Variants in LRP1B observed in about 807,000 individuals in gnomAD.
LRP1B encodes low-density lipoprotein receptor-related protein 1B.
A neutral mutation model predicts 556.6 loss-of-function variants in LRP1B; 217 were observed. The ratio of observed to expected loss-of-function variants is 0.39; its 90% confidence interval spans 0.35 to 0.44. The LOEUF is 0.44. Among genes scored for constraint, LRP1B ranks in the 20% least tolerant of loss-of-function variants. LRP1B has a pLI of 1.00. For synonymous variants in LRP1B, 2,047 were observed against 1,865.8 expected, an observed-to-expected ratio of 1.10 and a Z score of -2.50; for missense variants, 5,053 against 5,620.8, an observed-to-expected ratio of 0.90 and a Z score of 3.23.
intron 1 of LRP1B, among the ~76,000 whole-genome samples, chr2:141,962,662 G>A (rs1701435073): frequency 1.3e-5 from 2 of 151,766 alleles, no homozygotes; most frequent in Admixed American, 6.6e-5. Flanking sequence ...AAAAGAGTAT[G>A]GCGAGAGACT....
intron 2 of LRP1B, among the ~76,000 whole-genome samples, chr2:141,688,049 A>G (rs1407876834): frequency 2.0e-5 from 3 of 151,658 alleles, no homozygotes. Flanking sequence ...GTACATGTTA[A>G]TGTAGGTTAG....
At chr2:140,512,919 T>C (rs752808878) in intron 51 of LRP1B, among the ~76,000 whole-genome samples, 6 of 152,154 alleles carry the variant, frequency 3.9e-5, no homozygotes, top group Non-Finnish European at 7.4e-5. Context: ...ATTTTCTTTA[T>C]GTGTCTCAAG....
intron 2 of LRP1B, among the ~76,000 whole-genome samples, chr2:141,522,655 C>T (rs1427152585): frequency 6.6e-6 from 1 of 151,990 alleles, no homozygotes; most frequent in Admixed American, 6.6e-5. Context: ...ATAGGAGAAG[C>T]CAAGGGTTCA....
chr2:140,588,184 A>G (rs566957185), intron 43 of LRP1B, among the ~76,000 whole-genome samples: 2 of 152,324 alleles, frequency 1.3e-5, no homozygotes, highest in African/African-American at 4.8e-5. Flanking sequence ...ACATAAAAGT[A>G]GGCTTTCCTT....
chr2:141,861,313 C>T (rs1229270899), intron 1 of LRP1B, among the ~76,000 whole-genome samples: 1 of 152,128 alleles, frequency 6.6e-6, no homozygotes, highest in African/African-American at 2.4e-5. Context: ...GTCTGGAAAT[C>T]TATTAGGACC....
At chr2:141,361,687 T>C (rs1333451704) in intron 3 of LRP1B, among the ~76,000 whole-genome samples, 2 of 152,192 alleles carry the variant, frequency 1.3e-5, no homozygotes, top group African/African-American at 4.8e-5. Flanking sequence ...GTCTTTCCTC[T>C]TTCAAGCTTT....
In LRP1B at chr2:141,005,389, C is replaced by G. The variant is rs1283349790; in HGVS notation, c.2449G>C (p.Val817Leu). Residue 817 changes from valine to leucine, a missense_variant, in exon 15 of 91, where the codon GTG (valine) becomes CTG (leucine). Transcript: ENST00000389484. ...AGTTGATTATCGGCACAAGCACACACCCGGCCTCCTGGGATAGCCAAGCAA... is the reference window on the plus strand; with the variant it reads ...AGTTGATTATCGGCACAAGCACACAGCCGGCCTCCTGGGATAGCCAAGCAA... ...TLCLAIPGGR[V>L]CACADNQLLD... 1 of 1,611,280 alleles carries G rather than the reference C, an allele frequency of 6.2e-7. No homozygotes were observed. The highest frequency in any genetic ancestry group is 1.3e-5 in the African/African-American group (1 of 74,848).
At chr2:141,254,202 A>T (rs1264316039) in intron 4 of LRP1B, among the ~76,000 whole-genome samples, 1 of 152,168 alleles carries the variant, frequency 6.6e-6, no homozygotes, top group Non-Finnish European at 1.5e-5. Flanking sequence ...ACACATGTCT[A>T]CTAGACTGCA....
At chr2:140,299,295 G>A (rs1213625435) in intron 83 of LRP1B, among the ~76,000 whole-genome samples, 1 of 152,008 alleles carries the variant, frequency 6.6e-6, no homozygotes. Flanking sequence ...AGTGAATTGA[G>A]GGTCCATAAC....
At chr2:140,975,011 A>G (rs1558775607) in intron 18 of LRP1B, among the ~76,000 whole-genome samples, 1 of 152,184 alleles carries the variant, frequency 6.6e-6, no homozygotes, top group Non-Finnish European at 1.5e-5. Context: ...TCGCAGGCCC[A>G]AGGGATAGGC....
intron 1 of LRP1B, among the ~76,000 whole-genome samples, chr2:142,062,771 T>G (rs1704968319): frequency 6.6e-6 from 1 of 151,920 alleles, no homozygotes; most frequent in East Asian, 1.9e-4. Context: ...CTTGACACTA[T>G]TTACAAGGTA....
At chr2:141,877,209 T>C (rs1698794401) in intron 1 of LRP1B, among the ~76,000 whole-genome samples, 1 of 151,954 alleles carries the variant, frequency 6.6e-6, no homozygotes, top group South Asian at 2.1e-4. Flanking sequence ...TTTTTTTTCC[T>C]ATAAAGAATT....
chr2:141,858,865 A>G lies in LRP1B; in HGVS notation c.83-48464T>C, dbSNP rs1574435535. Among the ~76,000 whole-genome samples, 4 of 152,310 alleles carry G rather than the reference A, an allele frequency of 2.6e-5. 1 individual carries two copies. In the South Asian group the frequency reaches 8.3e-4, roughly 32 times the overall value. ...AAGATGACATAACTGTAAGAAATGA[A>G]GGAAATTATTATTATCAATTAAAAC... is the stretch of plus-strand genomic sequence containing the variant. On this transcript the variant is annotated intron_variant, in intron 1 of 90. Coordinates refer to ENST00000389484, the MANE Select transcript of LRP1B (RefSeq NM_018557.3).
At chr2:140,493,565 C>T (rs1342881360) in intron 56 of LRP1B, among the ~76,000 whole-genome samples, 3 of 135,670 alleles carry the variant, frequency 2.2e-5, no homozygotes, top group African/African-American at 5.5e-5. Flanking sequence ...AATAATTTGC[C>T]CAAGCATTTT....
intron 90 of LRP1B, 137 bp downstream of exon 90, chr2:140,234,649 C>G (rs1573660680): frequency 1.7e-6 from 1 of 581,336 alleles, no homozygotes; most frequent in East Asian, 2.8e-5. Flanking sequence ...CATAAGCCCC[C>G]AATTTAAATG....
intron 72 of LRP1B, among the ~76,000 whole-genome samples, chr2:140,359,169 G>A (rs1178299273): frequency 2.6e-5 from 4 of 151,666 alleles, no homozygotes; most frequent in African/African-American, 4.8e-5. Flanking sequence ...AAGGAAATAC[G>A]AAAGAGCCAA....
intron 1 of LRP1B, among the ~76,000 whole-genome samples, chr2:141,937,705 CTTGT>C (rs772765500): frequency 3.9e-4 from 59 of 151,842 alleles, no homozygotes; most frequent in Admixed American, 1.8e-3. Context: ...TGTAGCCCCG[CTTGT>C]TTATTTTTTC....
At chr2:142,071,783 C>T (rs547454241) in intron 1 of LRP1B, among the ~76,000 whole-genome samples, 74 of 151,976 alleles carry the variant, frequency 4.9e-4, no homozygotes, top group Admixed American at 7.2e-4. Flanking sequence ...ACCACTTCCA[C>T]CAGGGCTATG....
chr2:141,754,151 A>G (rs1240554039), intron 2 of LRP1B, among the ~76,000 whole-genome samples: 1 of 152,136 alleles, frequency 6.6e-6, no homozygotes, highest in Non-Finnish European at 1.5e-5. Context: ...CTTAATTCAT[A>G]AGGCATATCC....
Sources: allele counts gnomAD v4.1 joint callset (sites outside exome capture counted in the v4.1 genomes callset), GRCh38; gene constraint gnomAD v4.1.1; transcripts MANE v1.5; gene names NCBI Gene and HGNC (gene_info 2026-07-23, HGNC 2026-07-21).